Variants in EZR observed in about 807,000 individuals in gnomAD.
The protein encoded by EZR is cytovillin 2.
A neutral mutation model predicts 74.8 loss-of-function variants in EZR; 40 were observed. That is an observed-to-expected ratio of 0.53 (90% confidence interval 0.42 to 0.70). The LOEUF is 0.70. Among genes scored for constraint, EZR ranks in the 30% least tolerant of loss-of-function variants. The pLI is 0.00. For synonymous variants in EZR, 341 were observed against 283.3 expected, an observed-to-expected ratio of 1.20 and a Z score of -2.05; for missense variants, 678 against 755.8, an observed-to-expected ratio of 0.90 and a Z score of 1.21.
At chr6:158,817,522 A>G (rs1777584513) in intron 2 of EZR, among the ~76,000 whole-genome samples, 1 of 152,250 alleles carries the variant, frequency 6.6e-6, no homozygotes, top group Admixed American at 6.5e-5. Flanking sequence ...TAGAGACAGA[A>G]ATTCTGCTGC....
chr6:158,785,130 C>T (rs927116991), intron 5 of EZR, among the ~76,000 whole-genome samples, 179 bp downstream of exon 5: 1 of 152,240 alleles, frequency 6.6e-6, no homozygotes, highest in Non-Finnish European at 1.5e-5. Flanking sequence ...TGAGGAATGG[C>T]AGCTCGCCTT....
chr6:158,814,700 G>A lies in EZR; in HGVS notation c.12+3382C>T, dbSNP rs531542641. On this transcript the variant is annotated intron_variant, in intron 2 of 13. Coordinates refer to ENST00000367075, the MANE Select transcript of EZR (RefSeq NM_001111077.2). The stretch of plus-strand genomic sequence containing the variant: ...CTGGGACTACAGGCATCCATACCAC[G>A]CCCGGCTAATTTTTGTATTTTTAGT... 7.2e-5 allele frequency among the ~76,000 whole-genome samples: 11 copies of A among 151,830 alleles called. No individual in the cohort carries two copies. The East Asian group carries it at 1.7e-3, about 24-fold the overall frequency.
At chr6:158,791,276 C>A (rs1366910183) in intron 2 of EZR, among the ~76,000 whole-genome samples, 4 of 152,206 alleles carry the variant, frequency 2.6e-5, no homozygotes, top group Admixed American at 6.5e-5. Flanking sequence ...TACTAGGAGG[C>A]AACGAGACAT....
chr6:158,810,329 A>C (rs1416997066), intron 2 of EZR, among the ~76,000 whole-genome samples: 1 of 152,180 alleles, frequency 6.6e-6, no homozygotes, highest in Non-Finnish European at 1.5e-5. Context: ...CTGACTGGGA[A>C]GCCCACATCC....
chr6:158,768,000 T>C (rs1276136272), intron 12 of EZR, among the ~76,000 whole-genome samples: 2 of 151,748 alleles, frequency 1.3e-5, no homozygotes, highest in African/African-American at 4.8e-5. Context: ...ACAGGTACTT[T>C]CTCCAAAAAC....
rs1041159611 is a variant in EZR, at chr6:158,793,612, T to C, written c.13-4241A>G. 2.0e-5 allele frequency among the ~76,000 whole-genome samples: 3 copies of C among 152,136 alleles called. No homozygotes were observed. In the South Asian group the frequency reaches 6.2e-4, roughly 32 times the overall value. ...CTCTTGTCATTCTGGACAGCACAAG[T>C]ATTCATTCTGCAAGACTATCCCAAG... is the stretch of plus-strand genomic sequence containing the variant. On this transcript the variant is annotated intron_variant, in intron 2 of 13. Transcript: ENST00000367075.
chr6:158,803,606 C>CAT (rs60330512), intron 2 of EZR, among the ~76,000 whole-genome samples: 3 of 36,052 alleles, frequency 8.3e-5, no homozygotes, highest in Admixed American at 3.8e-4. Flanking sequence ...TATATATATA[C>CAT]ATATATATAT....
intron 3 of EZR, chr6:158,788,504 G>A (rs1284507100): frequency 6.6e-6 from 1 of 152,160 alleles, no homozygotes; most frequent in Non-Finnish European, 1.5e-5. Context: ...AAAATTAGCA[G>A]GGCGTGGTAG....
intron 7 of EZR, among the ~76,000 whole-genome samples, chr6:158,779,668 A>G (rs1057217142): frequency 2.6e-5 from 4 of 152,092 alleles, no homozygotes; most frequent in Non-Finnish European, 5.9e-5. Context: ...GGCTCAAGTG[A>G]TCCTCCCACC....
At position 158,766,874 on chromosome 6, in the gene EZR, C is replaced by T. The variant is rs56233811; in HGVS notation, c.*40G>A. On this transcript the variant is annotated 3_prime_UTR_variant, in exon 14 of 14. Transcript: ENST00000367075. ...CAAGCGTGGCGGGGCTGGCAGCGCC[C>T]GCTATGAGCACCCCTCTGCCCTTGG... 1,998 of 1,585,718 alleles carry T rather than the reference C, an allele frequency of 1.3e-3. 28 individuals are homozygous for T. In the South Asian group the frequency reaches 0.019, roughly 15 times the overall value.
At chr6:158,768,804 G>A (rs1313497840) in intron 12 of EZR, among the ~76,000 whole-genome samples, 2 of 152,308 alleles carry the variant, frequency 1.3e-5, no homozygotes, top group South Asian at 4.1e-4. Flanking sequence ...GGAAAATGAG[G>A]CTTGAAGAAG....
At chr6:158,774,176 A>G (rs1401093666) in intron 8 of EZR, among the ~76,000 whole-genome samples, 1 of 152,110 alleles carries the variant, frequency 6.6e-6, no homozygotes, top group Admixed American at 6.5e-5. Flanking sequence ...CGAAAACTTG[A>G]ACTTCTTCTG....
intron 8 of EZR, among the ~76,000 whole-genome samples, chr6:158,776,124 C>CA (rs1791272404): frequency 6.6e-6 from 1 of 152,228 alleles, no homozygotes; most frequent in East Asian, 1.9e-4. Context: ...GTCAAGGGGA[C>CA]AGGCTGGCTC....
chr6:158,803,530 TATATATATATATATGTATATATA>T lies in EZR; in HGVS notation c.13-14182_13-14160del, dbSNP rs1562504194. Among the ~76,000 whole-genome samples, 36 of 68,178 alleles carry T rather than the reference TATATATATATATATGTATATATA, an allele frequency of 5.3e-4. 3 individuals carry two copies. Among genetic ancestry groups the T allele is most frequent in the African/African-American group, 2.7e-3 (33 of 12,190 alleles). The allele number at this position is 68,178 out of a possible 152,430, so 44.7% of individuals were successfully genotyped here. A position where few individuals can be genotyped will look rare whatever the true frequency, so the allele number is the denominator to read the frequency against. On this transcript the variant is annotated intron_variant, in intron 2 of 13. Transcript: ENST00000367075. ...CCAGGGTAAATATTATGTAACATTA[TATATATATATATATGTATATATA>T]TATATATATATATATATATATATAT... is the stretch of plus-strand genomic sequence containing the variant.
At chr6:158,814,799 C>T (rs1312130827) in intron 2 of EZR, among the ~76,000 whole-genome samples, 1 of 152,136 alleles carries the variant, frequency 6.6e-6, no homozygotes, top group African/African-American at 2.4e-5. Context: ...CCTCGGCCTC[C>T]CAAAGTGCTG....
intron 2 of EZR, among the ~76,000 whole-genome samples, chr6:158,798,151 T>C (rs987005): frequency 0.07 from 10,705 of 152,302 alleles, 431 homozygotes; most frequent in Middle Eastern, 0.12. Context: ...TTGTAGCATG[T>C]ACCAGCACTT....
In EZR at chr6:158,769,851, G is replaced by A. The variant is rs2128564812; in HGVS notation, c.1184C>T (p.Ala395Val). 6.2e-7 allele frequency: 1 copy of A among 1,613,934 alleles called. No individual in the cohort carries two copies. Among genetic ancestry groups the A allele is most frequent in the African/African-American group, 1.3e-5 (1 of 75,050 alleles). The change falls in exon 11 of 14, where the codon GCT (alanine) becomes GTT (valine). Residue 395 changes from alanine (A) to valine (V), a missense_variant. This residue lies in a region of EZR where 342 missense variants were observed against 341.2 expected (regional missense o/e 1.00). Transcript: ENST00000367075. The part of the protein sequence containing the change: ...EAERLEADRM[A>V]ALRAKEELER... ...CAGCTCCTCCTTAGCCCGCAGTGCAGCCATACGGTCAGCCTCTAGGCGCTC... is the reference window on the plus strand; with the variant it reads ...CAGCTCCTCCTTAGCCCGCAGTGCAACCATACGGTCAGCCTCTAGGCGCTC...
chr6:158,783,733 T>C, intron 6 of EZR, 67 bp from the exon 7 acceptor site: 1 of 1,519,634 alleles, frequency 6.6e-7, no homozygotes, highest in Non-Finnish European at 9.0e-7. Context: ...GTAAAACCTT[T>C]CCAGTATTTT....
intron 2 of EZR, among the ~76,000 whole-genome samples, chr6:158,812,453 G>A (rs1052815689): frequency 2.6e-5 from 4 of 152,112 alleles, no homozygotes; most frequent in Non-Finnish European, 4.4e-5. Flanking sequence ...TTCTTCAAGG[G>A]ACCCAGGAAT....
Sources: gnomAD v4.1 joint callset for allele counts (sites outside exome capture counted in the v4.1 genomes callset) on GRCh38, gnomAD v4.1.1 for gene constraint, gnomAD v4.1.1 regional missense constraint, MANE v1.5 for transcripts, NCBI Gene and HGNC (gene_info 2026-07-23, HGNC 2026-07-21) for gene names.